The following ZNF410 variants were observed in gnomAD, a reference collection of about 807,000 sequenced individuals.
The protein encoded by ZNF410 is another partner for ARF 1.
ZNF410 carries 18 observed loss-of-function variants against 54.8 expected under a neutral mutation model. The ratio of observed to expected loss-of-function variants is 0.33; its 90% CI spans 0.23 to 0.49. The LOEUF is 0.49. Ranked by LOEUF, ZNF410 falls within the 20% of genes least tolerant of loss-of-function variation. The pLI is 0.99. For synonymous variants in ZNF410, 191 were observed against 207.3 expected (o/e 0.92, Z 0.68); for missense variants, 405 against 569.6 (o/e 0.71, Z 2.94).
At chr14:73,930,326 TAAA>T in intron 11 of ZNF410, among the ~76,000 whole-genome samples, 1 of 152,082 alleles carries the variant, frequency 6.6e-6, no homozygotes. Context: ...ATTAAACTCT[TAAA>T]AAAAAGTTTT....
intron 8 of ZNF410, among the ~76,000 whole-genome samples, chr14:73,910,597 T>C (rs1229210625): frequency 6.6e-6 from 1 of 151,326 alleles, no homozygotes; most frequent in South Asian, 2.1e-4. Flanking sequence ...ACTAAAAAAA[T>C]AAAAAATTAT....
intron 1 of ZNF410, among the ~76,000 whole-genome samples, chr14:73,889,515 A>G (rs1359813613): frequency 1.3e-5 from 2 of 151,352 alleles, no homozygotes; most frequent in Admixed American, 6.6e-5. Context: ...ATGGAGATTC[A>G]GGGTCAAACC....
In ZNF410 at chr14:73,931,938, CCAA is replaced by C; in HGVS notation, c.*403_*405del. The C allele has an allele frequency of 8.7e-6, 4 of 457,318 alleles. No homozygotes were observed. The highest frequency in any genetic ancestry group is 6.2e-5 in the South Asian group (4 of 64,462). 28.3% of individuals were successfully genotyped at this position (457,318 alleles called of 1,614,324 possible). A position where few individuals can be genotyped will look rare whatever the true frequency, so the allele number is the denominator to read the frequency against. On this transcript the variant is annotated 3_prime_UTR_variant, in exon 12 of 12. Coordinates refer to ENST00000555044, the MANE Select transcript of ZNF410 (RefSeq NM_021188.3). ...CACATGGATGAAATAATTCCTGCTA[CCAA>C]CAACAGAGCTTCACCAGGAAGTTGA...
chr14:73,927,198 G>A, intron 11 of ZNF410: 1 of 253,618 alleles, frequency 3.9e-6, no homozygotes, highest in South Asian at 3.2e-5. Context: ...CGGTTCTTCT[G>A]CCTCAGCCTC....
At chr14:73,926,485 G>A (rs550854125) in intron 11 of ZNF410, among the ~76,000 whole-genome samples, 38 of 152,170 alleles carry the variant, frequency 2.5e-4, no homozygotes, top group Non-Finnish European at 5.1e-4. Flanking sequence ...CAGGTCAAGA[G>A]TGCAGTGGCG....
chr14:73,911,723 TC>T (rs982456817), intron 8 of ZNF410, among the ~76,000 whole-genome samples: 2 of 152,244 alleles, frequency 1.3e-5, no homozygotes, highest in Non-Finnish European at 2.9e-5. Context: ...TTCAGTTTTT[TC>T]TACTTGTTTC....
intron 1 of ZNF410, chr14:73,888,247 A>T (rs2055174284): frequency 6.6e-6 from 1 of 152,192 alleles, no homozygotes; most frequent in African/African-American, 2.4e-5. Context: ...AAGGAAGATA[A>T]TAATCTGGAT....
At position 73,902,926 on chromosome 14, in the gene ZNF410, A is replaced by G. The variant is rs117210242; in HGVS notation, c.581-1034A>G. 2.4e-3 allele frequency among the ~76,000 whole-genome samples: 367 copies of G among 152,340 alleles called. 7 individuals are homozygous for G. The East Asian group carries it at 0.06, about 25-fold the overall frequency. Reference sequence around the variant, plus strand: ...CTCTTACTTTTTAAAATGTGGTTAGAAATTTAAAAATCATCTGAGTTTTTG... The same window carrying G: ...CTCTTACTTTTTAAAATGTGGTTAGGAATTTAAAAATCATCTGAGTTTTTG... On this transcript the variant is annotated intron_variant, in intron 5 of 11. Transcript: ENST00000555044.
chr14:73,923,653 AGC>A, intron 11 of ZNF410, 131 bp downstream of exon 11: 1 of 1,254,938 alleles, frequency 8.0e-7, no homozygotes, highest in East Asian at 2.4e-5. Flanking sequence ...CTTTAAATTA[AGC>A]ATGAGTTCAG....
At chr14:73,913,982 GAGAGTAA>G (rs1193273307) in intron 8 of ZNF410, 2 of 152,144 alleles carry the variant, frequency 1.3e-5, no homozygotes, top group African/African-American at 4.8e-5. Context: ...CATGTCATCT[GAGAGTAA>G]AGATAGTTTT....
rs1162421197 is a variant in ZNF410, at chr14:73,888,710, G to A, written c.-150+1795G>A. ...TGAGTAAGGAATTGGGAATAGGAAT[G>A]TTTAATTGTGTATTTGCCGTTACAC... On this transcript the variant is annotated intron_variant, in intron 1 of 11. Transcript: ENST00000555044. Among the ~76,000 whole-genome samples the A allele has an allele frequency of 1.3e-5, 2 of 152,192 alleles. 1 individual carries two copies. The highest frequency in any genetic ancestry group is 3.8e-4 in the East Asian group (2 of 5,204).
intron 5 of ZNF410, among the ~76,000 whole-genome samples, chr14:73,900,310 G>C (rs1046975820): frequency 2.0e-5 from 3 of 151,406 alleles, no homozygotes; most frequent in Admixed American, 1.3e-4. Flanking sequence ...TAAGCATGTA[G>C]ATAAAATTAA....
chr14:73,889,235 C>T lies in ZNF410; in HGVS notation c.-150+2320C>T, dbSNP rs146792005. Reference sequence around the variant, plus strand: ...TGTTACCCAGGCTGGAGTGCAGTGGCGTGATCACTGTTCAGTGCAGCCTCG... The same window carrying T: ...TGTTACCCAGGCTGGAGTGCAGTGGTGTGATCACTGTTCAGTGCAGCCTCG... On this transcript the variant is annotated intron_variant, in intron 1 of 11. Transcript: ENST00000555044. Among the ~76,000 whole-genome samples the T allele has an allele frequency of 2.0e-4, 31 of 151,970 alleles. No homozygotes were observed. In the East Asian group the frequency reaches 4.3e-3, roughly 21 times the overall value.
At chr14:73,931,403 G>A in intron 11 of ZNF410, 100 bp from the exon 12 acceptor site, 1 of 1,017,948 alleles carries the variant, frequency 9.8e-7, no homozygotes, top group Admixed American at 2.1e-5. Flanking sequence ...CACCCCTGTA[G>A]TGCATTCTCC....
intron 8 of ZNF410, chr14:73,914,181 T>G (rs563394123): frequency 6.6e-6 from 1 of 152,302 alleles, no homozygotes; most frequent in African/African-American, 2.4e-5. Context: ...TACAGGCACA[T>G]GCCCAGCTTT....
At chr14:73,901,882 C>CGAGATCAT (rs2055412840) in intron 5 of ZNF410, among the ~76,000 whole-genome samples, 1 of 149,450 alleles carries the variant, frequency 6.7e-6, no homozygotes, top group Non-Finnish European at 1.5e-5. Flanking sequence ...TGCAGTGAAC[C>CGAGATCAT]GAGATCATGC....
At chr14:73,918,121 T>C (rs1458444392) in intron 8 of ZNF410, among the ~76,000 whole-genome samples, 1 of 152,174 alleles carries the variant, frequency 6.6e-6, no homozygotes, top group Non-Finnish European at 1.5e-5. Context: ...TATTTATTTA[T>C]TTTTTTAGAT....
intron 10 of ZNF410, 129 bp downstream of exon 10, chr14:73,922,335 G>A: frequency 1.0e-6 from 1 of 1,001,302 alleles, no homozygotes; most frequent in African/African-American, 1.6e-5. Context: ...TAGCATTTGT[G>A]TTCTTATTCT....
At chr14:73,926,882 C>T (rs977982956) in intron 11 of ZNF410, among the ~76,000 whole-genome samples, 2 of 152,124 alleles carry the variant, frequency 1.3e-5, no homozygotes, top group Non-Finnish European at 2.9e-5. Context: ...AATTTTTCCC[C>T]CTTGGCAAGA....
Sources: gnomAD v4.1 joint callset for allele counts (sites outside exome capture counted in the v4.1 genomes callset) on GRCh38, gnomAD v4.1.1 for gene constraint, MANE v1.5 for transcripts, NCBI Gene and HGNC (gene_info 2026-07-23, HGNC 2026-07-21) for gene names.